PCNT: variants seen among roughly 807,000 people sequenced by gnomAD.
PCNT encodes kendrin.
PCNT carries 319 observed loss-of-function variants against 380.4 expected under a neutral mutation model. That is an observed-to-expected ratio of 0.84 (90% confidence interval 0.77 to 0.92). PCNT has a LOEUF of 0.92. Ranked by LOEUF, PCNT falls within the 40% of genes least tolerant of loss-of-function variation. The probability of loss-of-function intolerance (pLI) is 0.00; values close to 1 mark genes in which losing one functional copy is unlikely to be tolerated. For synonymous variants in PCNT, 1,845 were observed against 1,735.2 expected, an observed-to-expected ratio of 1.06 and a Z score of -1.57; for missense variants, 4,400 against 4,255.3, an observed-to-expected ratio of 1.03 and a Z score of -0.95.
intron 16 of PCNT, among the ~76,000 whole-genome samples, chr21:46,384,210 G>GCACATTCA (rs2085728260): frequency 6.8e-6 from 1 of 147,472 alleles, no homozygotes; most frequent in African/African-American, 2.5e-5. Flanking sequence ...AGTGGCAGAA[G>GCACATTCA]CGCATTCACG....
At position 46,421,960 on chromosome 21, in the gene PCNT, G is replaced by C; in HGVS notation, c.7025-10G>C. On this transcript the variant is annotated splice_polypyrimidine_tract_variant and intron_variant, in intron 31 of 46. Transcript: ENST00000359568. ...CTGTGGGTGGGACCCTGACCCTGTG[G>C]TGTTTTTAGGTGACGGCTCGGGTTT... 1 of 1,613,820 alleles carries C rather than the reference G, an allele frequency of 6.2e-7. No homozygotes were observed. Among genetic ancestry groups the C allele is most frequent in the Non-Finnish European group, 8.5e-7 (1 of 1,179,758 alleles).
At position 46,425,854 on chromosome 21, in the gene PCNT, C is replaced by T. The variant is rs750350872; in HGVS notation, c.7203C>T (p.Asp2401=). 9.3e-6 allele frequency: 15 copies of T among 1,613,572 alleles called. No individual in the cohort carries two copies. Among genetic ancestry groups the T allele is most frequent in the Middle Eastern group, 1.6e-4 (1 of 6,084 alleles). Residue 2401 remains aspartate (D), a synonymous_variant, in exon 33 of 47, where the codon GAC becomes GAT. Coordinates refer to ENST00000359568, the MANE Select transcript of PCNT (RefSeq NM_006031.6). This position sits in a 1 kb window ranked among gnomAD's most constrained non-coding sequence, Gnocchi z 4.2. ...HVKALLQMVR[D]ESHQILALSE... ...AGGCTTTACTGCAGATGGTGCGTGA[C>T]GAGAGCCACCAGATCCTGGCGCTGT...
intron 3 of PCNT, among the ~76,000 whole-genome samples, chr21:46,335,403 C>T (rs923287014): frequency 1.3e-5 from 2 of 152,080 alleles, no homozygotes; most frequent in South Asian, 2.1e-4. Flanking sequence ...ATGTTAAAAG[C>T]ATATATTTTA....
chr21:46,414,722 CACA>C lies in PCNT; in HGVS notation c.6151-1346_6151-1344del. Among the ~76,000 whole-genome samples the C allele has an allele frequency of 1.5e-4, 7 of 47,292 alleles. 1 individual carries two copies. The highest frequency in any genetic ancestry group is 1.7e-3 in the East Asian group (2 of 1,148). 31.0% of individuals were successfully genotyped at this position (47,292 alleles called of 152,430 possible). A position where few individuals can be genotyped will look rare whatever the true frequency, so the allele number is the denominator to read the frequency against. ...CTGCCCACACTCCTCCTCCTGGACA[CACA>C]GCTGCCCACCCTCCTCCTCCTGGAC... On this transcript the variant is annotated intron_variant, in intron 29 of 46. Coordinates refer to ENST00000359568, the MANE Select transcript of PCNT (RefSeq NM_006031.6).
chr21:46,353,715 G>GGTGTGT (rs72175446), intron 10 of PCNT, among the ~76,000 whole-genome samples: 2,311 of 128,994 alleles, frequency 0.018, 37 homozygotes, highest in African/African-American at 0.052. Flanking sequence ...CTCTCCTCCA[G>GGTGTGT]GTGTGTGTGT....
chr21:46,418,691 G>A (rs746031091), intron 31 of PCNT, among the ~76,000 whole-genome samples: 19 of 152,270 alleles, frequency 1.2e-4, no homozygotes, highest in Non-Finnish European at 2.5e-4. Flanking sequence ...GGCGGTGCAC[G>A]CCATGTTTCC....
At chr21:46,404,629 T>C (rs139337661) in intron 27 of PCNT, among the ~76,000 whole-genome samples, 2 of 152,224 alleles carry the variant, frequency 1.3e-5, no homozygotes, top group South Asian at 2.1e-4. Context: ...TGTTTCCTCA[T>C]ACAATATTTA....
At chr21:46,411,054 C>A in intron 27 of PCNT, 135 bp from the exon 28 acceptor site, 1 of 947,952 alleles carries the variant, frequency 1.1e-6, no homozygotes, top group Non-Finnish European at 1.7e-6. Flanking sequence ...CAGCAGTTTG[C>A]TTCTATGGCT....
chr21:46,429,922 G>C, intron 35 of PCNT, 88 bp from the exon 36 acceptor site: 6 of 1,010,360 alleles, frequency 5.9e-6, no homozygotes, highest in Non-Finnish European at 7.7e-6. Context: ...TACACCTCAC[G>C]CCCCCACGAG....
intron 7 of PCNT, among the ~76,000 whole-genome samples, chr21:46,349,455 C>G (rs2084189677): frequency 6.6e-6 from 1 of 152,194 alleles, no homozygotes; most frequent in African/African-American, 2.4e-5. Flanking sequence ...TGGTTGTTCA[C>G]TTTTCATACT....
At chr21:46,403,347 G>A (rs1436590813) in intron 27 of PCNT, among the ~76,000 whole-genome samples, 5 of 138,382 alleles carry the variant, frequency 3.6e-5, no homozygotes, top group Non-Finnish European at 4.7e-5. Context: ...GTGCCCACGC[G>A]GCGCGTGCTC....
At chr21:46,344,680 G>A (rs925924133) in intron 3 of PCNT, among the ~76,000 whole-genome samples, 8 of 152,250 alleles carry the variant, frequency 5.3e-5, no homozygotes, top group Non-Finnish European at 8.8e-5. Flanking sequence ...GAGAATGGTC[G>A]CTTCCACAGG....
At chr21:46,438,036 C>T in intron 40 of PCNT, 128 bp from the exon 41 acceptor site, 3 of 800,938 alleles carry the variant, frequency 3.7e-6, no homozygotes, top group South Asian at 3.1e-5. Context: ...CTGCCAGCTC[C>T]ACAAGCTTCT....
intron 8 of PCNT, among the ~76,000 whole-genome samples, chr21:46,350,207 A>G (rs548191357): frequency 1.3e-5 from 2 of 152,322 alleles, no homozygotes; most frequent in African/African-American, 4.8e-5. Flanking sequence ...AAATGAAATA[A>G]AAAAATAAAT....
At chr21:46,413,899 G>T (rs533394426) in intron 29 of PCNT, among the ~76,000 whole-genome samples, 3 of 152,308 alleles carry the variant, frequency 2.0e-5, no homozygotes, top group South Asian at 4.1e-4. Flanking sequence ...GTGCACCAGG[G>T]GCAGGTCCCC....
At chr21:46,437,226 G>A in intron 40 of PCNT, 145 bp downstream of exon 40, 2 of 650,566 alleles carry the variant, frequency 3.1e-6, no homozygotes, top group Non-Finnish European at 5.4e-6. Context: ...ATCTGGGTGA[G>A]TGGGTGGGGT....
Position 46,397,477 on chromosome 21 carries a change from C to G in PCNT, c.4429C>G (p.Gln1477Glu). 6.2e-7 allele frequency: 1 copy of G among 1,613,920 alleles called. No individual in the cohort carries two copies. Among genetic ancestry groups the G allele is most frequent in the Non-Finnish European group, 8.5e-7 (1 of 1,179,798 alleles). ...VASLDKHLRN[Q>E]RQFMDEQAAE... ...ATCTCTGGACAAGCATTTGCGCAAC[C>G]AGCGGCAATTCATGGATGTAAGAAT... The change falls in exon 22 of 47, where the codon CAG becomes GAG. Residue 1477 changes from glutamine to glutamate, a missense_variant. Physicochemically the swap from Gln to Glu is conservative, Grantham distance 29. Transcript: ENST00000359568.
At chr21:46,442,472 T>TCTTGCCTTC in intron 43 of PCNT, 25 bp from the exon 44 acceptor site, 1 of 1,458,308 alleles carries the variant, frequency 6.9e-7, no homozygotes, top group Non-Finnish European at 9.6e-7. Context: ...TACTTTTAAG[T>TCTTGCCTTC]GTGTCTTGTC....
intron 2 of PCNT, among the ~76,000 whole-genome samples, chr21:46,327,934 G>C (rs116148205): frequency 0.081 from 12,332 of 152,222 alleles, 636 homozygotes; most frequent in Middle Eastern, 0.12. Flanking sequence ...GAAGGGGCTG[G>C]CCTTCCGGGC....
Sources: allele counts gnomAD v4.1 joint callset (sites outside exome capture counted in the v4.1 genomes callset), GRCh38; gene constraint gnomAD v4.1.1; non-coding constraint Gnocchi (gnomAD v3.1); transcripts MANE v1.5; gene names NCBI Gene and HGNC (gene_info 2026-07-23, HGNC 2026-07-21).